MYCBP2: variants seen among roughly 807,000 people sequenced by gnomAD.
MYCBP2 encodes the protein E3 ubiquitin-protein ligase MYCBP2.
A neutral mutation model predicts 525.3 loss-of-function variants in MYCBP2; 120 were observed. The ratio of observed to expected loss-of-function variants is 0.23; its 90% CI spans 0.20 to 0.27. The LOEUF (loss-of-function observed/expected upper bound fraction) is 0.27. Ranked by LOEUF, MYCBP2 falls within the 10% of genes least tolerant of loss-of-function variation. MYCBP2 has a pLI of 1.00. For missense variants in MYCBP2, 4,149 were observed against 5,657.1 expected (o/e 0.73, Z 8.55); for synonymous variants, 1,894 against 1,955.8 (o/e 0.97, Z 0.83).
chr13:77,138,139 G>A lies in MYCBP2; in HGVS notation c.7659+1057C>T, dbSNP rs150679425. Among the ~76,000 whole-genome samples, 254 of 152,198 alleles carry A rather than the reference G, an allele frequency of 1.7e-3. 5 individuals are homozygous for A. The East Asian group carries it at 0.042, about 25-fold the overall frequency. Reference sequence around the variant, plus strand: ...TGTATCATTGTTCAACTTAACCTCCGTAAAGCAGTAAGCCAACACTCTAAA... The same window carrying A: ...TGTATCATTGTTCAACTTAACCTCCATAAAGCAGTAAGCCAACACTCTAAA... On this transcript the variant is annotated intron_variant, in intron 52 of 82. Transcript: ENST00000544440.
chr13:77,190,096 C>A (rs1409976623), intron 29 of MYCBP2, among the ~76,000 whole-genome samples, 156 bp downstream of exon 29: 1 of 152,060 alleles, frequency 6.6e-6, no homozygotes, highest in African/African-American at 2.4e-5. Context: ...AAAATATTAA[C>A]TGTTTTTGTT....
At position 77,260,608 on chromosome 13, in the gene MYCBP2, T is replaced by C. The variant is rs1178100298; in HGVS notation, c.1853-16A>G. 2 of 1,568,784 alleles carry C rather than the reference T, an allele frequency of 1.3e-6. No individual in the cohort carries two copies. Among genetic ancestry groups the C allele is most frequent in the African/African-American group, 1.4e-5 (1 of 72,030 alleles). On this transcript the variant is annotated splice_polypyrimidine_tract_variant and intron_variant, in intron 12 of 82. Transcript: ENST00000544440. ...CTGCTCTTAGCTTTAAAAAAGAAATTAGATTAAATCAAGACCTCTATGTAC... is the reference window on the plus strand; with the variant it reads ...CTGCTCTTAGCTTTAAAAAAGAAATCAGATTAAATCAAGACCTCTATGTAC...
At chr13:77,285,581 GT>G (rs1289904643) in intron 3 of MYCBP2, among the ~76,000 whole-genome samples, 1 of 152,176 alleles carries the variant, frequency 6.6e-6, no homozygotes, top group African/African-American at 2.4e-5. Context: ...GAGGTCCAGA[GT>G]TTGAGACCAG....
Position 77,098,010 on chromosome 13 carries a change from T to C in MYCBP2, c.9144A>G (p.Ala3048=), listed in dbSNP as rs2046496979. The C allele has an allele frequency of 6.2e-7, 1 of 1,613,584 alleles. No homozygotes were observed. Among genetic ancestry groups the C allele is most frequent in the South Asian group, 1.1e-5 (1 of 91,078 alleles). ...ACTTTAGGAAAGAAGAACAAGCCAT[T>C]GCATCATGTACTATGCCTTCATGCC... The part of the protein sequence containing the change: ...FLWHEGIVHD[A]MACSSFLKFH... Residue 3048 remains alanine, a synonymous_variant, in exon 56 of 83, where the codon GCA becomes GCG. Coordinates refer to ENST00000544440, the MANE Select transcript of MYCBP2 (RefSeq NM_015057.5).
At chr13:77,159,373 T>G (rs2057595606) in intron 44 of MYCBP2, among the ~76,000 whole-genome samples, 1 of 152,210 alleles carries the variant, frequency 6.6e-6, no homozygotes, top group Non-Finnish European at 1.5e-5. Context: ...AGAGGCAATT[T>G]GGGACACCAT....
At chr13:77,050,581 C>T (rs942790917) in intron 82 of MYCBP2, among the ~76,000 whole-genome samples, 5 of 151,830 alleles carry the variant, frequency 3.3e-5, no homozygotes, top group Admixed American at 6.6e-5. Context: ...ATGCTCACTA[C>T]ACTACTGATT....
Position 77,156,076 on chromosome 13 carries a change from T to A in MYCBP2, c.6897A>T (p.Val2299=), listed in dbSNP as rs141604813. Residue 2299 remains valine, a synonymous_variant, in exon 46 of 83, where the codon GTA becomes GTT. Transcript: ENST00000544440. ...TAATTACCTTCATATTGGGAACATG[T>A]ACCACATCCCCATACTGGTCTTTTG... ...VQTKDQYGDV[V]HVPNMKVEVK... is the part of the protein sequence containing the mutation. 1.6e-4 allele frequency: 253 copies of A among 1,613,270 alleles called. No homozygotes were observed. The highest frequency in any genetic ancestry group is 2.1e-4 in the Non-Finnish European group (243 of 1,179,552).
At chr13:77,218,633 T>C (rs2065137198) in intron 20 of MYCBP2, among the ~76,000 whole-genome samples, 1 of 152,110 alleles carries the variant, frequency 6.6e-6, no homozygotes, top group African/African-American at 2.4e-5. Context: ...CCCCACAGAG[T>C]TCCTGTGAAC....
In MYCBP2 at chr13:77,096,443, T is replaced by G. The variant is rs757119453; in HGVS notation, c.9823A>C (p.Ile3275Leu). ...RYAGGQGYNSIGHFCGGWAGN... is the reference protein window; with the variant it reads ...RYAGGQGYNSLGHFCGGWAGN... ...GCCCATCCTCCACAAAAATGCCCAA[T>G]GCTATTGTAACCTTGTCCACCAGCA... The change falls in exon 57 of 83, where the codon ATT becomes CTT. Residue 3275 changes from isoleucine to leucine, a missense_variant. Physicochemically the swap from Ile to Leu is conservative, Grantham distance 5. Transcript: ENST00000544440. 1 of 1,613,350 alleles carries G rather than the reference T, an allele frequency of 6.2e-7. No individual in the cohort carries two copies. The highest frequency in any genetic ancestry group is 8.5e-7 in the Non-Finnish European group (1 of 1,179,556).
Position 77,087,546 on chromosome 13 carries a change from G to T in MYCBP2, c.10813C>A (p.Pro3605Thr). 6.2e-7 allele frequency: 1 copy of T among 1,612,874 alleles called. No homozygotes were observed. Among genetic ancestry groups the T allele is most frequent in the Non-Finnish European group, 8.5e-7 (1 of 1,179,434 alleles). ...WHFVASLTPA[P>T]VEPEEEEDEE... ...TCCTCTTCTTCCTCTGGTTCCACTG[G>T]TGCAGGAGTCAGTGATGCCACAAAA... The change falls in exon 62 of 83, where the codon CCA becomes ACA. Residue 3605 changes from proline (P) to threonine (T), a missense_variant. By Grantham distance (38) the Pro-to-Thr change is conservative (BLOSUM62 -1). This residue lies in a region of MYCBP2 where 509 missense variants were observed against 789.4 expected (regional missense o/e 0.64). Transcript: ENST00000544440.
At chr13:77,101,827 T>C (rs2047113313) in intron 55 of MYCBP2, among the ~76,000 whole-genome samples, 1 of 152,090 alleles carries the variant, frequency 6.6e-6, no homozygotes, top group Admixed American at 6.6e-5. Flanking sequence ...GCTTCATTTG[T>C]GTTTCAAATG....
intron 18 of MYCBP2, among the ~76,000 whole-genome samples, chr13:77,232,120 C>T (rs2067212907): frequency 1.3e-5 from 2 of 151,862 alleles, no homozygotes; most frequent in African/African-American, 2.4e-5. Flanking sequence ...TTTTGAGTGG[C>T]AAACTGACAG....
At chr13:77,120,663 A>C (rs1276280274) in intron 55 of MYCBP2, among the ~76,000 whole-genome samples, 2 of 152,216 alleles carry the variant, frequency 1.3e-5, no homozygotes, top group Non-Finnish European at 2.9e-5. Context: ...GGAAAGAACA[A>C]GAGTGTGTGA....
chr13:77,212,563 G>T (rs2064172123), intron 21 of MYCBP2, among the ~76,000 whole-genome samples: 2 of 152,108 alleles, frequency 1.3e-5, no homozygotes, highest in Non-Finnish European at 2.9e-5. Flanking sequence ...ATAAAAGAAA[G>T]TCACTATTGA....
At chr13:77,289,644 T>C (rs1246337366) in intron 2 of MYCBP2, among the ~76,000 whole-genome samples, 1 of 152,094 alleles carries the variant, frequency 6.6e-6, no homozygotes, top group African/African-American at 2.4e-5. Flanking sequence ...CCAGGCAAAT[T>C]GGTCTACTCT....
chr13:77,205,806 C>A (rs1264093801), intron 24 of MYCBP2, among the ~76,000 whole-genome samples: 2 of 152,144 alleles, frequency 1.3e-5, no homozygotes, highest in Non-Finnish European at 2.9e-5. Flanking sequence ...TGCCATACGA[C>A]AACCTTTTAC....
intron 3 of MYCBP2, 125 bp from the exon 4 acceptor site, chr13:77,279,036 T>TA: frequency 5.7e-6 from 3 of 524,928 alleles, no homozygotes; most frequent in Non-Finnish European, 8.9e-6. Context: ...GGAGCCATAA[T>TA]AAAACATCAT....
At chr13:77,170,453 T>C (rs2059021719) in intron 38 of MYCBP2, among the ~76,000 whole-genome samples, 1 of 152,226 alleles carries the variant, frequency 6.6e-6, no homozygotes, top group Non-Finnish European at 1.5e-5. Context: ...AAAATAGTTT[T>C]TTAGCCTAGC....
chr13:77,090,017 T>C, intron 60 of MYCBP2, 89 bp downstream of exon 60: 1 of 1,176,200 alleles, frequency 8.5e-7, no homozygotes, highest in Non-Finnish European at 1.1e-6. Flanking sequence ...CCTTCAAAAA[T>C]TAAATTTTAA....
Sources: gnomAD v4.1 joint callset for allele counts (sites outside exome capture counted in the v4.1 genomes callset) on GRCh38, gnomAD v4.1.1 for gene constraint, gnomAD v4.1.1 regional missense constraint, MANE v1.5 for transcripts, NCBI Gene and HGNC (gene_info 2026-07-23, HGNC 2026-07-21) for gene names.